MRC2: variants seen among roughly 807,000 people sequenced by gnomAD.
MRC2 encodes C-type mannose receptor 2.
Under a neutral mutation model 206.2 loss-of-function variants are expected in MRC2, and 84 were observed. The ratio of observed to expected loss-of-function variants is 0.41; its 90% confidence interval spans 0.34 to 0.49. The LOEUF (loss-of-function observed/expected upper bound fraction) is 0.49. Ranked by LOEUF, MRC2 falls within the 20% of genes least tolerant of loss-of-function variation. The pLI is 0.31. For synonymous variants in MRC2, 798 were observed against 800.0 expected, an observed-to-expected ratio of 1.00 and a Z score of 0.04; for missense variants, 1,676 against 2,001.5, an observed-to-expected ratio of 0.84 and a Z score of 3.10.
At chr17:62,627,952 G>A in intron 1 of MRC2, 32 bp downstream of exon 1, 1 of 1,366,898 alleles carries the variant, frequency 7.3e-7, no homozygotes, top group South Asian at 1.6e-5. Flanking sequence ...CAACTTCAGG[G>A]CCCGGGCGGG....
At chr17:62,662,845 G>T (rs2088697435) in intron 1 of MRC2, among the ~76,000 whole-genome samples, 1 of 152,036 alleles carries the variant, frequency 6.6e-6, no homozygotes, top group African/African-American at 2.4e-5. Context: ...GGAGGCAGAG[G>T]TTGCAGTGAG....
chr17:62,665,258 G>A (rs912969870), intron 2 of MRC2, among the ~76,000 whole-genome samples: 1 of 151,944 alleles, frequency 6.6e-6, no homozygotes, highest in Non-Finnish European at 1.5e-5. Context: ...AAATTAGCCA[G>A]GTGTGGTGGA....
rs182092514 is a variant in MRC2, at chr17:62,629,534, G to A, written c.118+1614G>A. On this transcript the variant is annotated intron_variant, in intron 1 of 29. Transcript: ENST00000303375. Reference sequence around the variant, plus strand: ...ACTGCATTGACCACACCCTGAGGAGGCTTGGATCTGGGTGGCAGGCAGTGT... The same window carrying A: ...ACTGCATTGACCACACCCTGAGGAGACTTGGATCTGGGTGGCAGGCAGTGT... Among the ~76,000 whole-genome samples the A allele has an allele frequency of 4.0e-4, 61 of 152,328 alleles. No individual in the cohort carries two copies. The East Asian group carries it at 9.3e-3, about 23-fold the overall frequency.
At chr17:62,674,258 T>TA in intron 9 of MRC2, 88 bp downstream of exon 9, 3 of 903,982 alleles carry the variant, frequency 3.3e-6, no homozygotes, top group Non-Finnish European at 4.9e-6. Context: ...TCCTGCTGCC[T>TA]CGCATGGCAT....
chr17:62,687,247 G>A (rs1598997458), intron 20 of MRC2, among the ~76,000 whole-genome samples: 1 of 152,016 alleles, frequency 6.6e-6, no homozygotes, highest in East Asian at 1.9e-4. Flanking sequence ...TGCAACCTCC[G>A]CCTCCTGGGT....
At position 62,657,837 on chromosome 17, in the gene MRC2, C is replaced by T. The variant is rs552442750; in HGVS notation, c.119-6711C>T. Among the ~76,000 whole-genome samples the T allele has an allele frequency of 2.0e-5, 3 of 152,280 alleles. No individual in the cohort carries two copies. In the South Asian group the frequency reaches 6.2e-4, roughly 32 times the overall value. On this transcript the variant is annotated intron_variant, in intron 1 of 29. Transcript: ENST00000303375. ...AGCGTGCACTCCCCCTCCACTAGGC[C>T]TTGGAGAAAGAGCCTCTTTTCATTG...
At chr17:62,632,343 C>T (rs906012322) in intron 1 of MRC2, among the ~76,000 whole-genome samples, 6 of 152,154 alleles carry the variant, frequency 3.9e-5, no homozygotes, top group African/African-American at 9.7e-5. Flanking sequence ...TCTCTCCTTC[C>T]GCCGCTGGGC....
chr17:62,645,541 T>A (rs1253376940), intron 1 of MRC2, among the ~76,000 whole-genome samples: 11 of 118,402 alleles, frequency 9.3e-5, no homozygotes, highest in African/African-American at 3.8e-4. Context: ...TTTTTTTTTT[T>A]TTTTTTTTTT....
At chr17:62,689,177 C>G (rs370148002) in intron 23 of MRC2, among the ~76,000 whole-genome samples, 1 of 151,924 alleles carries the variant, frequency 6.6e-6, no homozygotes, top group East Asian at 1.9e-4. Context: ...CTCGTTGGGT[C>G]GGGGGGAGAG....
intron 1 of MRC2, among the ~76,000 whole-genome samples, chr17:62,630,956 T>G (rs1456954013): frequency 2.0e-5 from 3 of 151,992 alleles, no homozygotes; most frequent in African/African-American, 7.2e-5. Context: ...GCCCAGGAGG[T>G]GCCCAGCCGA....
At position 62,664,472 on chromosome 17, in the gene MRC2, CT is replaced by C. The variant is rs1416546745; in HGVS notation, c.119-75del. 6.7e-7 allele frequency: 1 copy of C among 1,493,286 alleles called. No homozygotes were observed. The highest frequency in any genetic ancestry group is 9.0e-7 in the Non-Finnish European group (1 of 1,105,370). The allele number at this position is 1,493,286 out of a possible 1,614,324, so 92.5% of individuals were successfully genotyped here. ...CCTGCACTGGGCACATGGTAGGTGC[CT>C]GTCAGCCACACCGGTCATCAAGGGC... On this transcript the variant is annotated intron_variant, in intron 1 of 29. Transcript: ENST00000303375. The surrounding 1 kb of genome is among the most constrained non-coding windows in gnomAD (Gnocchi z 4.7).
At chr17:62,685,263 C>T (rs1241889338) in intron 20 of MRC2, among the ~76,000 whole-genome samples, 2 of 152,086 alleles carry the variant, frequency 1.3e-5, no homozygotes, top group East Asian at 3.8e-4. Context: ...ACTCACCCAA[C>T]ACTCTCTAGA....
intron 1 of MRC2, among the ~76,000 whole-genome samples, chr17:62,655,598 A>T (rs2088609080): frequency 6.6e-6 from 1 of 151,688 alleles, no homozygotes; most frequent in Non-Finnish European, 1.5e-5. Flanking sequence ...GCATGCCTAT[A>T]GTCCCAGTTA....
At chr17:62,628,034 T>A in intron 1 of MRC2, 114 bp downstream of exon 1, 1 of 647,486 alleles carries the variant, frequency 1.5e-6, no homozygotes, top group Non-Finnish European at 2.3e-6. Context: ...GAAGCGTGTG[T>A]GCGTGTGTGT....
At chr17:62,686,149 G>T (rs574573872) in intron 20 of MRC2, among the ~76,000 whole-genome samples, 5 of 152,100 alleles carry the variant, frequency 3.3e-5, no homozygotes, top group Non-Finnish European at 5.9e-5. Flanking sequence ...TCACGGTAGG[G>T]TTCGCACTCC....
chr17:62,644,635 AG>A (rs1309591566), intron 1 of MRC2, among the ~76,000 whole-genome samples: 4 of 152,124 alleles, frequency 2.6e-5, no homozygotes, highest in African/African-American at 9.7e-5. Context: ...TGACCCCAGC[AG>A]CATTTGTGTC....
Position 62,688,866 on chromosome 17 carries a change from G to C in MRC2, c.3240G>C (p.Val1080=). ...PSGNKPTSCA[V]VLHSPSAHFT... The stretch of plus-strand genomic sequence containing the variant: ...CCTCCCCCCAGACCAGCTGTGCAGT[G>C]GTCCTGCACAGCCCCTCAGCCCACT... Residue 1080 remains valine (V), a synonymous_variant, in exon 23 of 30, where the codon GTG becomes GTC. Transcript: ENST00000303375. 2 of 1,611,654 alleles carry C rather than the reference G, an allele frequency of 1.2e-6. No individual in the cohort carries two copies. Among genetic ancestry groups the C allele is most frequent in the Non-Finnish European group, 8.5e-7 (1 of 1,179,234 alleles).
rs2088837343 is a variant in MRC2, at chr17:62,672,412, T to A, written c.1461+260T>A. ...AGGGTCACTGGGGAGATCAGAGGAGTTAATTCTCGTGAAACCTTAGGCACA... is the reference window on the plus strand; with the variant it reads ...AGGGTCACTGGGGAGATCAGAGGAGATAATTCTCGTGAAACCTTAGGCACA... On this transcript the variant is annotated intron_variant, in intron 8 of 29. Coordinates refer to ENST00000303375, the MANE Select transcript of MRC2 (RefSeq NM_006039.5). This position sits in a 1 kb window ranked among gnomAD's most constrained non-coding sequence, Gnocchi z 4.5. 6.6e-6 allele frequency among the ~76,000 whole-genome samples: 1 copy of A among 151,656 alleles called. No individual in the cohort carries two copies.
chr17:62,683,642 T>C (rs1465611757), intron 20 of MRC2, among the ~76,000 whole-genome samples: 1 of 150,420 alleles, frequency 6.6e-6, no homozygotes, highest in Non-Finnish European at 1.5e-5. Context: ...GGCAGGAGGA[T>C]GACTTGAGCC....
Sources: allele counts gnomAD v4.1 joint callset (sites outside exome capture counted in the v4.1 genomes callset), GRCh38; gene constraint gnomAD v4.1.1; non-coding constraint Gnocchi (gnomAD v3.1); transcripts MANE v1.5; gene names NCBI Gene and HGNC (gene_info 2026-07-23, HGNC 2026-07-21).